The following LARGE1 variants were observed in gnomAD, a reference collection of about 807,000 sequenced individuals.
LARGE1 encodes the protein xylosyl- and glucuronyltransferase LARGE1.
Under a neutral mutation model 87.6 loss-of-function variants are expected in LARGE1, and 43 were observed. That is an observed-to-expected ratio of 0.49 (90% CI 0.38 to 0.63). The LOEUF is 0.63. Ranked by LOEUF, LARGE1 falls within the 30% of genes least tolerant of loss-of-function variation. The pLI, the probability that LARGE1 is intolerant of heterozygous loss-of-function variation, is 0.00. For synonymous variants in LARGE1, 434 were observed against 394.6 expected (o/e 1.10, Z -1.18); for missense variants, 802 against 1,000.2 (o/e 0.80, Z 2.67).
At chr22:33,822,323 G>A (rs753238034) in intron 1 of LARGE1, among the ~76,000 whole-genome samples, 7 of 152,080 alleles carry the variant, frequency 4.6e-5, no homozygotes, top group Admixed American at 1.3e-4. Flanking sequence ...GTTTCTGGCC[G>A]GCATCTGAAG....
At chr22:33,446,270 C>T (rs1344699122) in intron 6 of LARGE1, among the ~76,000 whole-genome samples, 3 of 152,298 alleles carry the variant, frequency 2.0e-5, no homozygotes, top group African/African-American at 7.2e-5. Context: ...ACATCTCTTC[C>T]ATATGGCTGT....
intron 2 of LARGE1, among the ~76,000 whole-genome samples, chr22:33,654,154 T>C (rs1418947343): frequency 6.6e-6 from 1 of 152,148 alleles, no homozygotes; most frequent in Admixed American, 6.5e-5. Flanking sequence ...GCCCTATAGA[T>C]TTGTCACCAA....
chr22:33,479,263 A>G (rs1243163873), intron 6 of LARGE1, among the ~76,000 whole-genome samples: 1 of 152,190 alleles, frequency 6.6e-6, no homozygotes, highest in Non-Finnish European at 1.5e-5. Context: ...GCTCTTTCAG[A>G]ACAGGAACAT....
chr22:33,527,234 C>A (rs999171252), intron 6 of LARGE1, among the ~76,000 whole-genome samples: 8 of 152,140 alleles, frequency 5.3e-5, no homozygotes, highest in African/African-American at 1.7e-4. Context: ...CCGGCCTGGG[C>A]AACAAGAGCA....
chr22:33,229,121 CA>C (rs1183898989), intron 11 of LARGE1, among the ~76,000 whole-genome samples: 4 of 152,018 alleles, frequency 2.6e-5, no homozygotes, highest in African/African-American at 4.8e-5. Context: ...TTTAAAAGTC[CA>C]AATAAGAAAT....
intron 1 of LARGE1, among the ~76,000 whole-genome samples, chr22:33,856,470 C>G (rs2063758287): frequency 1.3e-5 from 2 of 152,202 alleles, no homozygotes; most frequent in Non-Finnish European, 2.9e-5. Context: ...GAGTAAGACA[C>G]AGGGGAAATC....
intron 11 of LARGE1, among the ~76,000 whole-genome samples, chr22:33,182,149 G>A (rs534244198): frequency 6.6e-6 from 1 of 152,286 alleles, no homozygotes; most frequent in South Asian, 2.1e-4. Context: ...CTAATTTGCA[G>A]TCAGTAACCA....
intron 6 of LARGE1, among the ~76,000 whole-genome samples, chr22:33,468,040 C>A (rs554598838): frequency 4.6e-5 from 7 of 152,168 alleles, no homozygotes; most frequent in Non-Finnish European, 8.8e-5. Flanking sequence ...GAATGCAGAT[C>A]TTGAAGGTAA....
intron 6 of LARGE1, among the ~76,000 whole-genome samples, chr22:33,504,326 C>G (rs890433991): frequency 6.6e-6 from 1 of 152,244 alleles, no homozygotes; most frequent in African/African-American, 2.4e-5. Context: ...GTGGCGCAAT[C>G]TCAGCTCACT....
chr22:33,661,837 G>A (rs150213888), intron 2 of LARGE1, among the ~76,000 whole-genome samples: 63 of 152,208 alleles, frequency 4.1e-4, no homozygotes, highest in African/African-American at 1.3e-3. Context: ...GTGTTCTGCT[G>A]TCCTCGGGAG....
intron 2 of LARGE1, among the ~76,000 whole-genome samples, chr22:33,687,721 G>A (rs1398421608): frequency 6.6e-6 from 1 of 152,160 alleles, no homozygotes; most frequent in Non-Finnish European, 1.5e-5. Context: ...GCTCGGGACC[G>A]ATGCACCCAC....
At chr22:33,154,199 A>G in the LARGE1 span, among the ~76,000 whole-genome samples, 1 of 148,144 alleles carries the variant, frequency 6.8e-6, no homozygotes, top group Non-Finnish European at 1.5e-5. Context: ...CTCCTCTTTT[A>G]TTAAGCTACT....
chr22:33,301,465 A>G (rs1934130782), intron 12 of LARGE1, among the ~76,000 whole-genome samples: 1 of 152,138 alleles, frequency 6.6e-6, no homozygotes, highest in Non-Finnish European at 1.5e-5. Context: ...CAATTTTTAA[A>G]AATTAGTTGC....
chr22:33,162,212 G>A (rs1194293411), downstream of LARGE1: 1 of 152,146 alleles, frequency 6.6e-6, no homozygotes, highest in African/African-American at 2.4e-5. Context: ...ATAAAGAACT[G>A]CCCGAGACTG....
intron 10 of LARGE1, among the ~76,000 whole-genome samples, chr22:33,331,140 G>A (rs949154929): frequency 1.3e-5 from 2 of 152,148 alleles, no homozygotes; most frequent in Admixed American, 6.6e-5. Context: ...TGTTCCTGGT[G>A]CCAAGTCCTT....
intron 5 of LARGE1, among the ~76,000 whole-genome samples, chr22:33,567,099 T>G (rs1046769441): frequency 2.6e-5 from 4 of 152,046 alleles, no homozygotes; most frequent in Non-Finnish European, 4.4e-5. Context: ...TAAAATGGAG[T>G]GTGTTTCAGA....
chr22:33,808,653 T>C (rs1309467899), intron 1 of LARGE1, among the ~76,000 whole-genome samples: 2 of 152,234 alleles, frequency 1.3e-5, no homozygotes, highest in African/African-American at 4.8e-5. Context: ...CCACCCCACA[T>C]GTGAGCCGGA....
At chr22:33,229,365 AT>A (rs1925890536) in intron 11 of LARGE1, among the ~76,000 whole-genome samples, 1 of 152,146 alleles carries the variant, frequency 6.6e-6, no homozygotes, top group African/African-American at 2.4e-5. Context: ...AAAATTATTT[AT>A]ATGTGTGTGT....
chr22:33,420,479 C>G (rs1255879502), intron 7 of LARGE1, among the ~76,000 whole-genome samples: 2 of 152,154 alleles, frequency 1.3e-5, no homozygotes, highest in Non-Finnish European at 2.9e-5. Flanking sequence ...AACGGAATAG[C>G]ATGGAGGCTG....
Sources: allele counts gnomAD v4.1 joint callset (sites outside exome capture counted in the v4.1 genomes callset), GRCh38; gene constraint gnomAD v4.1.1; transcripts MANE v1.5; gene names NCBI Gene and HGNC (gene_info 2026-07-23, HGNC 2026-07-21).